SVIL: variants seen among roughly 807,000 people sequenced by gnomAD.
The protein encoded by SVIL is supervillin.
SVIL carries 101 observed loss-of-function variants against 240.4 expected under a neutral mutation model. The observed-to-expected ratio is 0.42, with a 90% CI of 0.36 to 0.50. SVIL has a LOEUF of 0.50. Ranked by LOEUF, SVIL falls within the 20% of genes least tolerant of loss-of-function variation. The pLI is 0.01. For synonymous variants in SVIL, 999 were observed against 1,100.0 expected (o/e 0.91, Z 1.82); for missense variants, 2,512 against 2,818.7 (o/e 0.89, Z 2.46).
chr10:29,569,500 G>C (rs71489689), intron 1 of SVIL, among the ~76,000 whole-genome samples, 188 bp from the exon 2 acceptor site: 3 of 152,150 alleles, frequency 2.0e-5, no homozygotes, highest in Admixed American at 2.0e-4. Flanking sequence ...ATTTACATAG[G>C]CAAGTTTTGC....
At chr10:29,725,488 T>C (rs1022206289) in intron 1 of SVIL, among the ~76,000 whole-genome samples, 2 of 152,118 alleles carry the variant, frequency 1.3e-5, no homozygotes, top group Admixed American at 1.3e-4. Flanking sequence ...TCCGAGAGCC[T>C]GTATTCATGC....
At chr10:29,696,744 C>T (rs982726216) in intron 1 of SVIL, among the ~76,000 whole-genome samples, 1 of 148,280 alleles carries the variant, frequency 6.7e-6, no homozygotes, top group Non-Finnish European at 1.5e-5. Flanking sequence ...AGTGAGGAGC[C>T]CCTCCGCCTG....
chr10:29,656,619 G>T (rs73596069), intron 3 of SVIL, among the ~76,000 whole-genome samples: 4,525 of 152,262 alleles, frequency 0.03, 269 homozygotes, highest in African/African-American at 0.1. Flanking sequence ...ATCACATCCA[G>T]ACAATAAAAT....
intron 1 of SVIL, among the ~76,000 whole-genome samples, chr10:29,573,836 C>T (rs1246699825): frequency 6.6e-6 from 1 of 152,102 alleles, no homozygotes; most frequent in Non-Finnish European, 1.5e-5. Context: ...GCTGGGATTA[C>T]AGGCGCGCGC....
chr10:29,529,108 G>A (rs980126608), intron 12 of SVIL, among the ~76,000 whole-genome samples: 8 of 148,268 alleles, frequency 5.4e-5, no homozygotes, highest in African/African-American at 1.2e-4. Flanking sequence ...CCCAGGAGGC[G>A]GAGGTTGCAG....
intron 1 of SVIL, among the ~76,000 whole-genome samples, chr10:29,717,420 A>C (rs1963698535): frequency 6.6e-6 from 1 of 152,144 alleles, no homozygotes; most frequent in African/African-American, 2.4e-5. Flanking sequence ...TAAGAGAAGT[A>C]AAAAATAATG....
intron 16 of SVIL, among the ~76,000 whole-genome samples, chr10:29,521,580 A>G (rs1950566584): frequency 6.6e-6 from 1 of 152,214 alleles, no homozygotes; most frequent in African/African-American, 2.4e-5. Context: ...ATAGTGATCA[A>G]GCCTCTATTT....
At chr10:29,664,501 A>G (rs1174284888) in intron 2 of SVIL, among the ~76,000 whole-genome samples, 4 of 152,184 alleles carry the variant, frequency 2.6e-5, no homozygotes, top group Admixed American at 6.5e-5. Context: ...GATCTTGATT[A>G]TAAATAACAA....
At position 29,493,337 on chromosome 10, in the gene SVIL, A is replaced by T; in HGVS notation, c.3896T>A (p.Val1299Glu). The T allele has an allele frequency of 6.2e-7, 1 of 1,613,906 alleles. No individual in the cohort carries two copies. Among genetic ancestry groups the T allele is most frequent in the Non-Finnish European group, 8.5e-7 (1 of 1,180,000 alleles). The change falls in exon 21 of 38, where the codon GTG becomes GAG. Residue 1299 changes from valine to glutamate, a missense_variant. Val to Glu is a moderately radical substitution (Grantham distance 121). This residue lies in a region of SVIL where 272 missense variants were observed against 406.8 expected (regional missense o/e 0.67). Transcript: ENST00000355867. ...GGTTTCATCATCATCTGGCTTCATCACCTCCTTCACAGATTTGCCGGTGAC... is the reference window on the plus strand; with the variant it reads ...GGTTTCATCATCATCTGGCTTCATCTCCTCCTTCACAGATTTGCCGGTGAC... ...LTVTGKSVKE[V>E]MKPDDDETFA...
At chr10:29,680,184 C>A (rs971921361) in intron 2 of SVIL, among the ~76,000 whole-genome samples, 1 of 152,060 alleles carries the variant, frequency 6.6e-6, no homozygotes, top group African/African-American at 2.4e-5. Context: ...GATCCTATCT[C>A]AGTAATAATA....
At chr10:29,472,770 T>C (rs1039550233) in intron 30 of SVIL, among the ~76,000 whole-genome samples, 3 of 152,090 alleles carry the variant, frequency 2.0e-5, no homozygotes, top group Non-Finnish European at 4.4e-5. Context: ...ATGCAGGCCC[T>C]GGGATGATAA....
At chr10:29,514,672 C>T (rs868772997) in intron 16 of SVIL, among the ~76,000 whole-genome samples, 8 of 152,154 alleles carry the variant, frequency 5.3e-5, no homozygotes, top group Non-Finnish European at 7.3e-5. Flanking sequence ...TGAGACAGCG[C>T]GCCTAGACAA....
intron 1 of SVIL, among the ~76,000 whole-genome samples, chr10:29,614,815 A>AC (rs1315193633): frequency 6.6e-6 from 1 of 152,202 alleles, no homozygotes; most frequent in Non-Finnish European, 1.5e-5. Context: ...TATAAAAAAA[A>AC]TCCTTGCAGC....
At position 29,533,076 on chromosome 10, in the gene SVIL, C is replaced by T. The variant is rs1284722640; in HGVS notation, c.1291G>A (p.Glu431Lys). 1.2e-6 allele frequency: 2 copies of T among 1,613,910 alleles called. No homozygotes were observed. The highest frequency in any genetic ancestry group is 1.7e-5 in the Admixed American group (1 of 59,970). The change falls in exon 8 of 38, where the codon GAA becomes AAA. Residue 431 changes from glutamate (E) to lysine (K), a missense_variant. Around this residue, in one of 3 missense-constraint regions of SVIL, gnomAD observed 1,443 missense variants for 1,486.6 expected, o/e 0.97. Transcript: ENST00000355867. ...HVCESKAEEE[E>K]GEGEGEEKEE... is the part of the protein sequence containing the mutation. ...TTTTCTTCTCCTTCTCCTTCCCCTT[C>T]TTCTTCTTCTGCTTTTGACTCGCAG...
At chr10:29,528,759 G>A (rs914173814) in intron 12 of SVIL, among the ~76,000 whole-genome samples, 7 of 151,554 alleles carry the variant, frequency 4.6e-5, no homozygotes, top group African/African-American at 9.7e-5. Context: ...AATGCCCCCC[G>A]CAAAAATAAG....
At chr10:29,587,857 G>A (rs1956232903) in intron 1 of SVIL, among the ~76,000 whole-genome samples, 1 of 152,176 alleles carries the variant, frequency 6.6e-6, no homozygotes, top group Admixed American at 6.5e-5. Flanking sequence ...ACACACCAGC[G>A]AAAAGTGGAC....
rs571599335 is a variant in SVIL at position 29,533,273 on chromosome 10, C to T, written c.1094G>A (p.Arg365His). The change falls in exon 8 of 38, where the codon CGT (arginine) becomes CAT (histidine). Residue 365 changes from arginine (R) to histidine (H), a missense_variant. Physicochemically the swap from Arg to His is conservative, Grantham distance 29. Transcript: ENST00000355867. ...KAAGSTRQPI[R>H]GYVQPADTGH... is the part of the protein sequence containing the mutation. ...GGTATCTGCGGGTTGGACATAGCCA[C>T]GGATTGGCTGTCGTGTAGAGCCTGC... The T allele has an allele frequency of 1.5e-5, 24 of 1,614,094 alleles. No homozygotes were observed. The highest frequency in any genetic ancestry group is 4.4e-5 in the South Asian group (4 of 91,076).
intron 5 of SVIL, among the ~76,000 whole-genome samples, chr10:29,552,172 AT>A (rs1414023576): frequency 6.6e-6 from 1 of 151,946 alleles, no homozygotes. Context: ...AACTAATAAC[AT>A]TTTTATATAT....
intron 17 of SVIL, among the ~76,000 whole-genome samples, chr10:29,506,776 A>AGGGG (rs1949372691): frequency 2.1e-5 from 3 of 141,770 alleles, no homozygotes; most frequent in South Asian, 2.3e-4. Context: ...CCCTAGAGGG[A>AGGGG]AAGGACAGAG....
Sources: gnomAD v4.1 joint callset for allele counts (sites outside exome capture counted in the v4.1 genomes callset) on GRCh38, gnomAD v4.1.1 for gene constraint, gnomAD v4.1.1 regional missense constraint, MANE v1.5 for transcripts, NCBI Gene and HGNC (gene_info 2026-07-23, HGNC 2026-07-21) for gene names.